SAMMSON: variants seen among roughly 807,000 people sequenced by gnomAD.
The protein encoded by SAMMSON is survival associated mitochondrial melanoma specific oncogenic non-coding RNA.
intron 3 of SAMMSON, among the ~76,000 whole-genome samples, chr3:70,070,798 C>T (rs1333478519): frequency 1.3e-5 from 2 of 151,928 alleles, no homozygotes; most frequent in Non-Finnish European, 2.9e-5. Context: ...TGAAAGACAT[C>T]GTCTTATATT....
At chr3:70,414,721 A>G (rs907029283) in intron 2 of SAMMSON, among the ~76,000 whole-genome samples, 2 of 152,204 alleles carry the variant, frequency 1.3e-5, no homozygotes, top group African/African-American at 4.8e-5. Context: ...CATTTGTAAA[A>G]TGAACCTCAT....
chr3:70,242,820 G>T (rs1701675389), intron 4 of SAMMSON, among the ~76,000 whole-genome samples: 1 of 152,074 alleles, frequency 6.6e-6, no homozygotes, highest in Non-Finnish European at 1.5e-5. Flanking sequence ...TCTAATTTTT[G>T]TCTGGTGGGT....
chr3:70,329,291 G>A (rs1002402690), intron 7 of SAMMSON, among the ~76,000 whole-genome samples: 3 of 151,994 alleles, frequency 2.0e-5, no homozygotes, highest in African/African-American at 7.2e-5. Context: ...TGCCTTTATG[G>A]TTCTTTAAAT....
chr3:70,247,614 T>C (rs1487478634), intron 4 of SAMMSON, among the ~76,000 whole-genome samples: 2 of 151,938 alleles, frequency 1.3e-5, no homozygotes, highest in East Asian at 3.9e-4. Flanking sequence ...ACATTATATC[T>C]CTTTTAATCT....
intron 2 of SAMMSON, among the ~76,000 whole-genome samples, chr3:70,401,997 T>G (rs1701144976): frequency 6.6e-6 from 1 of 152,186 alleles, no homozygotes; most frequent in Non-Finnish European, 1.5e-5. Context: ...AACAGATAAT[T>G]AAGCAGCCCT....
intron 6 of SAMMSON, among the ~76,000 whole-genome samples, chr3:70,288,317 C>T (rs1702190027): frequency 9.1e-6 from 1 of 109,896 alleles, no homozygotes; most frequent in Admixed American, 9.4e-5. Context: ...TCATTATGTA[C>T]CCAGTAGTCA....
At chr3:70,388,141 T>C (rs114042227) in intron 9 of SAMMSON, among the ~76,000 whole-genome samples, 19 of 152,272 alleles carry the variant, frequency 1.2e-4, no homozygotes, top group African/African-American at 4.6e-4. Flanking sequence ...AGAAGATGCA[T>C]AATATAGGCA....
At chr3:70,346,199 G>A (rs1702749122) in intron 7 of SAMMSON, among the ~76,000 whole-genome samples, 1 of 151,504 alleles carries the variant, frequency 6.6e-6, no homozygotes, top group African/African-American at 2.4e-5. Flanking sequence ...ATTTCTTATT[G>A]TTGTTTTAAT....
chr3:70,214,602 G>A (rs1408301222), intron 4 of SAMMSON, among the ~76,000 whole-genome samples: 1 of 66,756 alleles, frequency 1.5e-5, no homozygotes, highest in Non-Finnish European at 2.8e-5. Flanking sequence ...GGGGGCTGAA[G>A]TGGGCTTTTT....
intron 4 of SAMMSON, among the ~76,000 whole-genome samples, chr3:70,079,521 C>T (rs535024947): frequency 2.4e-4 from 36 of 152,234 alleles, no homozygotes; most frequent in Non-Finnish European, 5.0e-4. Flanking sequence ...ACCCATACAA[C>T]TGTTCTGTTT....
At chr3:70,104,297 G>T (rs1253047688) in intron 4 of SAMMSON, among the ~76,000 whole-genome samples, 1 of 151,546 alleles carries the variant, frequency 6.6e-6, no homozygotes. Context: ...GATACTGTGC[G>T]CTAGTTATTT....
intron 1 of SAMMSON, among the ~76,000 whole-genome samples, chr3:70,008,217 A>G (rs1315387139): frequency 2.6e-5 from 4 of 152,040 alleles, no homozygotes; most frequent in Non-Finnish European, 5.9e-5. Flanking sequence ...ATGGCATTGA[A>G]TCTCTAAATT....
chr3:70,238,437 A>G (rs1047414004), intron 4 of SAMMSON, among the ~76,000 whole-genome samples: 10 of 152,026 alleles, frequency 6.6e-5, no homozygotes, highest in African/African-American at 2.2e-4. Context: ...TAGAAATCCC[A>G]TCTCTACAAA....
At chr3:70,172,512 T>G (rs1257585403) in intron 4 of SAMMSON, 1 of 151,984 alleles carries the variant, frequency 6.6e-6, no homozygotes, top group African/African-American at 2.4e-5. Flanking sequence ...TGGTTTTATT[T>G]CATATTATTT....
intron 3 of SAMMSON, among the ~76,000 whole-genome samples, chr3:70,022,237 A>G (rs2067016628): frequency 7.1e-6 from 1 of 140,460 alleles, no homozygotes; most frequent in Admixed American, 7.5e-5. Context: ...CTGGCCCCCC[A>G]AATGTACCTA....
At chr3:70,363,500 C>T (rs1702893458) in intron 9 of SAMMSON, among the ~76,000 whole-genome samples, 1 of 151,984 alleles carries the variant, frequency 6.6e-6, no homozygotes, top group African/African-American at 2.4e-5. Context: ...CAGGGTACAA[C>T]ATCTACAGTC....
At chr3:70,325,735 A>T (rs1325508768) in intron 7 of SAMMSON, among the ~76,000 whole-genome samples, 1 of 152,118 alleles carries the variant, frequency 6.6e-6, no homozygotes, top group East Asian at 1.9e-4. Context: ...TTATAAACAG[A>T]TGTTTATAAA....
At chr3:70,142,131 T>TG (rs1553641782) in intron 4 of SAMMSON, among the ~76,000 whole-genome samples, 1 of 152,076 alleles carries the variant, frequency 6.6e-6, no homozygotes, top group African/African-American at 2.4e-5. Flanking sequence ...GGAGGTTCCC[T>TG]AAAATCTAAA....
At chr3:70,098,376 C>CT (rs1238156669) in intron 4 of SAMMSON, among the ~76,000 whole-genome samples, 2 of 151,030 alleles carry the variant, frequency 1.3e-5, no homozygotes, top group African/African-American at 4.9e-5. Flanking sequence ...TTTTTTCTTT[C>CT]TTTTTTTTTG....
Sources: allele counts gnomAD v4.1 joint callset (sites outside exome capture counted in the v4.1 genomes callset), GRCh38; gene constraint gnomAD v4.1.1; transcripts MANE v1.5; gene names NCBI Gene and HGNC (gene_info 2026-07-23, HGNC 2026-07-21).